TNKS: variants seen among roughly 807,000 people sequenced by gnomAD.
TNKS encodes poly [ADP-ribose] polymerase tankyrase-1.
In TNKS, 72 loss-of-function variants were observed where a neutral mutation model predicts 135.8. The observed-to-expected ratio is 0.53, with a 90% confidence interval of 0.44 to 0.64. The LOEUF (loss-of-function observed/expected upper bound fraction) is 0.64, where lower values mean the gene tolerates loss of function less well. TNKS is among the 30% of genes least tolerant of loss of function. TNKS has a pLI of 0.00. For synonymous variants in TNKS, 849 were observed against 649.3 expected (o/e 1.31, Z -4.68); for missense variants, 1,769 against 1,674.0 (o/e 1.06, Z -0.99).
chr8:9,717,072 A>ATAT (rs376229840), intron 11 of TNKS, among the ~76,000 whole-genome samples: 2,044 of 79,412 alleles, frequency 0.026, 307 homozygotes, highest in Middle Eastern at 0.071. Context: ...GTTGTATTAT[A>ATAT]ATATATATAT....
At chr8:9,556,761 T>G in intron 1 of TNKS, 149 bp downstream of exon 1, 1 of 752,530 alleles carries the variant, frequency 1.3e-6, no homozygotes, top group Non-Finnish European at 2.0e-6. Context: ...GTTCCTTTCT[T>G]TTGGTGGTGC....
At chr8:9,577,763 C>G (rs1359688767) in intron 1 of TNKS, among the ~76,000 whole-genome samples, 2 of 152,160 alleles carry the variant, frequency 1.3e-5, no homozygotes, top group Admixed American at 1.3e-4. Flanking sequence ...AATCTCATAT[C>G]CTTCTCATAT....
intron 11 of TNKS, among the ~76,000 whole-genome samples, chr8:9,719,368 G>C (rs1012337401): frequency 6.6e-6 from 1 of 150,794 alleles, no homozygotes; most frequent in African/African-American, 2.4e-5. Context: ...AGAATTTACT[G>C]TGTACCTTTA....
At chr8:9,728,726 C>T (rs765431452) in intron 13 of TNKS, among the ~76,000 whole-genome samples, 8 of 152,086 alleles carry the variant, frequency 5.3e-5, no homozygotes, top group Non-Finnish European at 1.0e-4. Flanking sequence ...GCCACAGACT[C>T]ATTTGTCATG....
chr8:9,630,347 A>G (rs1159443567), intron 3 of TNKS, among the ~76,000 whole-genome samples: 1 of 152,230 alleles, frequency 6.6e-6, no homozygotes, highest in East Asian at 1.9e-4. Flanking sequence ...GCATACCAGC[A>G]GTATAAAATG....
intron 14 of TNKS, 116 bp downstream of exon 14, chr8:9,731,151 T>A (rs1448717717): frequency 7.2e-6 from 9 of 1,257,344 alleles, no homozygotes; most frequent in Non-Finnish European, 9.4e-6. Flanking sequence ...ATTTTTTGTT[T>A]AAAACATAAA....
At chr8:9,629,971 C>T (rs1178720742) in intron 3 of TNKS, among the ~76,000 whole-genome samples, 1 of 152,130 alleles carries the variant, frequency 6.6e-6, no homozygotes, top group Non-Finnish European at 1.5e-5. Flanking sequence ...CATGAGCCAC[C>T]GTGTCCGGCC....
intron 1 of TNKS, among the ~76,000 whole-genome samples, chr8:9,567,567 C>T (rs1385416273): frequency 5.3e-5 from 8 of 152,320 alleles, no homozygotes; most frequent in Admixed American, 3.9e-4. Context: ...AGGCGCCCGC[C>T]ACCACGCCCG....
chr8:9,621,735 C>G (rs1029947714), intron 3 of TNKS, among the ~76,000 whole-genome samples: 1 of 152,034 alleles, frequency 6.6e-6, no homozygotes, highest in African/African-American at 2.4e-5. Context: ...TTAATCTGAA[C>G]TTAAAGAATT....
chr8:9,614,222 TG>T (rs1799558887), intron 2 of TNKS, among the ~76,000 whole-genome samples: 1 of 152,252 alleles, frequency 6.6e-6, no homozygotes, highest in Admixed American at 6.5e-5. Flanking sequence ...TTTGATATTG[TG>T]GCACTCGCCA....
chr8:9,757,487 T>C (rs1476144894), intron 20 of TNKS, among the ~76,000 whole-genome samples: 1 of 152,180 alleles, frequency 6.6e-6, no homozygotes, highest in Non-Finnish European at 1.5e-5. Context: ...TTAAGCCCAC[T>C]TCCCTCCTTC....
intron 2 of TNKS, among the ~76,000 whole-genome samples, chr8:9,588,597 A>G (rs1205659563): frequency 2.6e-5 from 4 of 152,172 alleles, no homozygotes; most frequent in Non-Finnish European, 4.4e-5. Flanking sequence ...CTTTTATCTA[A>G]AAAGGGGAAT....
At chr8:9,675,744 G>C (rs1585314257) in intron 3 of TNKS, among the ~76,000 whole-genome samples, 1 of 152,120 alleles carries the variant, frequency 6.6e-6, no homozygotes, top group East Asian at 1.9e-4. Context: ...CCAGAACTCA[G>C]ATTTGTTAGT....
chr8:9,747,912 A>G (rs1026635866), intron 17 of TNKS, 112 bp from the exon 18 acceptor site: 4 of 1,027,870 alleles, frequency 3.9e-6, no homozygotes, highest in East Asian at 2.7e-5. Flanking sequence ...TCTGTTAAGG[A>G]TGAAAATGGA....
At chr8:9,687,219 G>A (rs1310327648) in intron 5 of TNKS, among the ~76,000 whole-genome samples, 2 of 152,134 alleles carry the variant, frequency 1.3e-5, no homozygotes, top group African/African-American at 2.4e-5. Context: ...AACTTTTATG[G>A]ATCCTAGCTC....
At chr8:9,617,048 T>C (rs868447348) in intron 3 of TNKS, among the ~76,000 whole-genome samples, 15 of 152,316 alleles carry the variant, frequency 9.8e-5, no homozygotes, top group South Asian at 4.1e-4. Context: ...CGTTTCCTTC[T>C]CTCCAACTCT....
chr8:9,643,503 C>T lies in TNKS; in HGVS notation c.994+27826C>T, dbSNP rs190031419. On this transcript the variant is annotated intron_variant, in intron 3 of 26. Coordinates refer to ENST00000310430, the MANE Select transcript of TNKS (RefSeq NM_003747.3). Reference sequence around the variant, plus strand: ...AGGACCTAATCACCTCTTAAAGGTCCCGCCTCTCAAAACTATTGCATTGGG... The same window carrying T: ...AGGACCTAATCACCTCTTAAAGGTCTCGCCTCTCAAAACTATTGCATTGGG... 5.3e-5 allele frequency among the ~76,000 whole-genome samples: 8 copies of T among 152,050 alleles called. 1 individual carries two copies. The highest frequency in any genetic ancestry group is 5.2e-4 in the Admixed American group (8 of 15,248).
chr8:9,736,614 A>C (rs1805719025), intron 17 of TNKS, among the ~76,000 whole-genome samples: 1 of 127,972 alleles, frequency 7.8e-6, no homozygotes, highest in Non-Finnish European at 1.6e-5. Context: ...TCAGCTTTCT[A>C]CATATGGCTA....
chr8:9,565,705 A>G (rs1797500667), intron 1 of TNKS, among the ~76,000 whole-genome samples: 1 of 151,858 alleles, frequency 6.6e-6, no homozygotes, highest in African/African-American at 2.4e-5. Context: ...CACACACACA[A>G]AATTAGCCTG....
Sources: gnomAD v4.1 joint callset for allele counts (sites outside exome capture counted in the v4.1 genomes callset) on GRCh38, gnomAD v4.1.1 for gene constraint, MANE v1.5 for transcripts, NCBI Gene and HGNC (gene_info 2026-07-23, HGNC 2026-07-21) for gene names.